The following NKAIN2 variants were observed in gnomAD, a reference collection of about 807,000 sequenced individuals.
The protein encoded by NKAIN2 is sodium/potassium-transporting ATPase subunit beta-1-interacting protein 2.
A neutral mutation model predicts 32.6 loss-of-function variants in NKAIN2; 14 were observed. That is an observed-to-expected ratio of 0.43 (90% CI 0.28 to 0.67). The LOEUF (loss-of-function observed/expected upper bound fraction) is 0.67, where lower values mean the gene tolerates loss of function less well. Ranked by LOEUF, NKAIN2 falls within the 30% of genes least tolerant of loss-of-function variation. The pLI, the probability that NKAIN2 is intolerant of heterozygous loss-of-function variation, is 0.17. For synonymous variants in NKAIN2, 80 were observed against 87.2 expected (o/e 0.92, Z 0.46); for missense variants, 198 against 258.3 (o/e 0.77, Z 1.60).
chr6:124,341,746 C>A (rs1798124016), intron 2 of NKAIN2, among the ~76,000 whole-genome samples: 1 of 152,114 alleles, frequency 6.6e-6, no homozygotes, highest in African/African-American at 2.4e-5. Flanking sequence ...TTATCCCTGA[C>A]AAACTAGAAG....
chr6:123,964,624 G>T lies in NKAIN2; in HGVS notation c.54+160370G>T, dbSNP rs1238089401. ...GTTCTAAAAATTATTAAAGGTTTGA[G>T]AAATAATTTTTAAGAGAAAATGTCA... On this transcript the variant is annotated intron_variant, in intron 1 of 6. Coordinates refer to ENST00000368417, the MANE Select transcript of NKAIN2 (RefSeq NM_001040214.3). This position sits in a 1 kb window ranked among gnomAD's most constrained non-coding sequence, Gnocchi z 4.0. Among the ~76,000 whole-genome samples the T allele has an allele frequency of 6.6e-6, 1 of 152,166 alleles. No individual in the cohort carries two copies. The highest frequency in any genetic ancestry group is 1.5e-5 in the Non-Finnish European group (1 of 68,028).
intron 3 of NKAIN2, among the ~76,000 whole-genome samples, chr6:124,619,060 G>C (rs1421798182): frequency 2.0e-5 from 3 of 151,892 alleles, no homozygotes; most frequent in East Asian, 3.9e-4. Context: ...CCTCCCAAAA[G>C]TTCCTGGAAA....
At chr6:123,946,316 C>A (rs1049221131) in intron 1 of NKAIN2, among the ~76,000 whole-genome samples, 1 of 152,044 alleles carries the variant, frequency 6.6e-6, no homozygotes, top group Non-Finnish European at 1.5e-5. Flanking sequence ...TAAATGTTGA[C>A]TATATAAAAT....
At chr6:123,906,112 C>T (rs1718193531) in intron 1 of NKAIN2, among the ~76,000 whole-genome samples, 1 of 152,122 alleles carries the variant, frequency 6.6e-6, no homozygotes, top group African/African-American at 2.4e-5. Context: ...TTGAATATTT[C>T]TCCATTATAT....
intron 1 of NKAIN2, among the ~76,000 whole-genome samples, chr6:124,192,666 A>G (rs1167891270): frequency 2.1e-5 from 3 of 145,934 alleles, no homozygotes; most frequent in South Asian, 2.2e-4. Flanking sequence ...TGTTGGTTAC[A>G]TGTTCTGTAA....
Position 123,865,323 on chromosome 6 carries a change from TCTGATACTA to T in NKAIN2, c.54+61070_54+61078del, listed in dbSNP as rs1775940337. ...TGTTCAATATTAACAAAAAGCTATA[TCTGATACTA>T]TATTGGTGCAAAATATCTTTATTTT... On this transcript the variant is annotated intron_variant, in intron 1 of 6. Coordinates refer to ENST00000368417, the MANE Select transcript of NKAIN2 (RefSeq NM_001040214.3). 2.6e-5 allele frequency among the ~76,000 whole-genome samples: 4 copies of T among 152,238 alleles called. No individual in the cohort carries two copies. In the South Asian group the frequency reaches 6.2e-4, roughly 24 times the overall value.
chr6:124,555,692 G>C (rs1179143074), intron 3 of NKAIN2, among the ~76,000 whole-genome samples: 1 of 152,076 alleles, frequency 6.6e-6, no homozygotes, highest in Non-Finnish European at 1.5e-5. Context: ...TGATTGATTA[G>C]AAGACAAATA....
intron 2 of NKAIN2, among the ~76,000 whole-genome samples, chr6:124,311,855 A>C (rs983857018): frequency 4.6e-5 from 7 of 152,128 alleles, no homozygotes; most frequent in African/African-American, 9.7e-5. Flanking sequence ...TGTATTTTTT[A>C]GCTTTCAAAG....
chr6:124,067,622 T>G (rs1420410968), intron 1 of NKAIN2, among the ~76,000 whole-genome samples: 1 of 152,190 alleles, frequency 6.6e-6, no homozygotes, highest in Non-Finnish European at 1.5e-5. Flanking sequence ...CAAGTTATTG[T>G]TTTTTGAATA....
chr6:124,059,248 C>A (rs1004452682), intron 1 of NKAIN2, among the ~76,000 whole-genome samples: 4 of 152,104 alleles, frequency 2.6e-5, no homozygotes, highest in Non-Finnish European at 5.9e-5. Context: ...CCATTCTCTA[C>A]AAGCTTCTAT....
intron 3 of NKAIN2, among the ~76,000 whole-genome samples, chr6:124,631,681 T>C (rs990941419): frequency 5.1e-4 from 78 of 152,100 alleles, no homozygotes; most frequent in Non-Finnish European, 8.8e-5. Context: ...CTTGACTCTT[T>C]GGCAAACTCC....
At chr6:123,895,142 T>C (rs947896047) in intron 1 of NKAIN2, among the ~76,000 whole-genome samples, 1 of 151,528 alleles carries the variant, frequency 6.6e-6, no homozygotes, top group Non-Finnish European at 1.5e-5. Flanking sequence ...CTTCCCTTTC[T>C]TCTCTCTTTC....
At chr6:124,489,042 AAGTT>A (rs1283434620) in intron 3 of NKAIN2, among the ~76,000 whole-genome samples, 1 of 151,948 alleles carries the variant, frequency 6.6e-6, no homozygotes, top group African/African-American at 2.4e-5. Flanking sequence ...AAATTCTTGA[AAGTT>A]AGAGCTACAG....
chr6:124,717,300 T>TC (rs936281285), intron 4 of NKAIN2, among the ~76,000 whole-genome samples: 1 of 152,182 alleles, frequency 6.6e-6, no homozygotes, highest in African/African-American at 2.4e-5. Context: ...TGTAACATTT[T>TC]CCCACTGTCT....
At chr6:124,247,892 T>C (rs1793494080) in intron 1 of NKAIN2, among the ~76,000 whole-genome samples, 1 of 152,124 alleles carries the variant, frequency 6.6e-6, no homozygotes, top group African/African-American at 2.4e-5. Context: ...TACTATACCA[T>C]TAATTGTATT....
chr6:124,078,453 A>G (rs1200072873), intron 1 of NKAIN2, among the ~76,000 whole-genome samples: 7 of 152,180 alleles, frequency 4.6e-5, no homozygotes, highest in African/African-American at 1.7e-4. Context: ...GATGGATGCT[A>G]TTATTGAGCT....
At chr6:124,473,666 C>G (rs1389014517) in intron 3 of NKAIN2, among the ~76,000 whole-genome samples, 1 of 152,110 alleles carries the variant, frequency 6.6e-6, no homozygotes, top group Non-Finnish European at 1.5e-5. Context: ...TTATGCTCTT[C>G]TATATGCTCC....
At chr6:124,031,664 T>G (rs534075348) in intron 1 of NKAIN2, among the ~76,000 whole-genome samples, 131 of 152,308 alleles carry the variant, frequency 8.6e-4, no homozygotes, top group Non-Finnish European at 1.6e-3. Flanking sequence ...CATTTTGTTA[T>G]GTACCCAGTA....
chr6:124,312,394 A>T (rs990388455), intron 2 of NKAIN2, among the ~76,000 whole-genome samples: 1 of 152,196 alleles, frequency 6.6e-6, no homozygotes, highest in African/African-American at 2.4e-5. Flanking sequence ...CACCAGTTGC[A>T]TGTCCAGGCC....
Sources: gnomAD v4.1 joint callset for allele counts (sites outside exome capture counted in the v4.1 genomes callset) on GRCh38, gnomAD v4.1.1 for gene constraint, Gnocchi (gnomAD v3.1) non-coding constraint, MANE v1.5 for transcripts, NCBI Gene and HGNC (gene_info 2026-07-23, HGNC 2026-07-21) for gene names.